SLC39A11: variants seen among roughly 807,000 people sequenced by gnomAD.
SLC39A11 encodes the protein solute carrier family 39 member 11.
In SLC39A11, 33 loss-of-function variants were observed where a neutral mutation model predicts 36.1. That is an observed-to-expected ratio of 0.91 (90% confidence interval 0.69 to 1.22). The LOEUF is 1.22. SLC39A11 is among the 50% of genes most tolerant of loss of function. SLC39A11 has a pLI of 0.00. For synonymous variants in SLC39A11, 166 were observed against 170.3 expected, an observed-to-expected ratio of 0.97 and a Z score of 0.20; for missense variants, 432 against 430.3, an observed-to-expected ratio of 1.00 and a Z score of -0.03.
chr17:72,739,196 C>T (rs545660147), intron 6 of SLC39A11, among the ~76,000 whole-genome samples: 7 of 151,298 alleles, frequency 4.6e-5, no homozygotes, highest in South Asian at 4.2e-4. Flanking sequence ...GGTGCGATCT[C>T]GGCTCACTGC....
chr17:72,949,454 C>T (rs1304105907), intron 4 of SLC39A11, among the ~76,000 whole-genome samples: 6 of 151,934 alleles, frequency 3.9e-5, no homozygotes. Flanking sequence ...GGCCACTGCA[C>T]CCGGCCAGCT....
intron 5 of SLC39A11, among the ~76,000 whole-genome samples, chr17:72,862,063 G>T (rs1302986322): frequency 1.3e-5 from 2 of 152,040 alleles, no homozygotes; most frequent in African/African-American, 4.8e-5. Flanking sequence ...GCAGCTCCTA[G>T]CAAGGGAAAT....
At chr17:73,034,123 G>A (rs1278324074) in intron 3 of SLC39A11, among the ~76,000 whole-genome samples, 1 of 152,170 alleles carries the variant, frequency 6.6e-6, no homozygotes, top group Non-Finnish European at 1.5e-5. Context: ...TCCAGACTTT[G>A]TCTTACTAGC....
At chr17:72,996,500 C>T (rs2089510634) in intron 4 of SLC39A11, among the ~76,000 whole-genome samples, 2 of 152,134 alleles carry the variant, frequency 1.3e-5, no homozygotes, top group Non-Finnish European at 2.9e-5. Context: ...AGGAAGAATC[C>T]TTCTTGCATC....
chr17:72,752,563 TTTTA>T (rs1166536942), intron 6 of SLC39A11, among the ~76,000 whole-genome samples: 4 of 152,018 alleles, frequency 2.6e-5, no homozygotes, highest in African/African-American at 4.8e-5. Context: ...TCTTTTTTCT[TTTTA>T]TTTATTTTTA....
chr17:73,026,437 C>G (rs1043848348), intron 4 of SLC39A11, among the ~76,000 whole-genome samples: 1 of 150,836 alleles, frequency 6.6e-6, no homozygotes, highest in Non-Finnish European at 1.5e-5. Context: ...ATCGCCTGAA[C>G]CCGGGAGGGA....
At chr17:73,021,266 G>C (rs1448900533) in intron 4 of SLC39A11, among the ~76,000 whole-genome samples, 2 of 152,092 alleles carry the variant, frequency 1.3e-5, no homozygotes, top group African/African-American at 4.8e-5. Flanking sequence ...AGACAGACAC[G>C]GTCCCAGTCA....
At chr17:72,977,122 G>A (rs2087911183) in intron 4 of SLC39A11, among the ~76,000 whole-genome samples, 1 of 152,200 alleles carries the variant, frequency 6.6e-6, no homozygotes. Context: ...TGTGTCCAGT[G>A]AAGGCAGAAA....
chr17:73,085,222 C>G (rs2144828132), intron 2 of SLC39A11, among the ~76,000 whole-genome samples: 1 of 152,212 alleles, frequency 6.6e-6, no homozygotes, highest in Non-Finnish European at 1.5e-5. Context: ...AAAACCCTCA[C>G]ACAGGCCGGG....
At chr17:72,667,247 G>A (rs2070795348) in intron 7 of SLC39A11, among the ~76,000 whole-genome samples, 1 of 152,118 alleles carries the variant, frequency 6.6e-6, no homozygotes, top group Non-Finnish European at 1.5e-5. Context: ...CTCAAACAGC[G>A]GCATCTCCGT....
intron 7 of SLC39A11, among the ~76,000 whole-genome samples, chr17:72,699,201 C>T (rs887891610): frequency 6.6e-6 from 1 of 152,070 alleles, no homozygotes; most frequent in Non-Finnish European, 1.5e-5. Flanking sequence ...CTTCCCTGGG[C>T]CACACTGGAA....
chr17:72,876,267 G>A (rs759013859), intron 5 of SLC39A11, among the ~76,000 whole-genome samples: 9 of 152,162 alleles, frequency 5.9e-5, no homozygotes, highest in Non-Finnish European at 1.2e-4. Flanking sequence ...AAGAGCTATT[G>A]TAGAATACTT....
In SLC39A11 at chr17:72,994,155, T is replaced by C. The variant is rs75392231; in HGVS notation, c.306+37401A>G. On this transcript the variant is annotated intron_variant, in intron 4 of 9. Transcript: ENST00000255559. ...AGTATTTCATTTGCTTCATATACAG[T>C]AGCCAAAACCCACAAGCAATTCAAT... 9.8e-4 allele frequency among the ~76,000 whole-genome samples: 149 copies of C among 152,160 alleles called. 3 individuals carry two copies. Among genetic ancestry groups the C allele is most frequent in the African/African-American group, 3.4e-3 (143 of 41,496 alleles).
intron 5 of SLC39A11, among the ~76,000 whole-genome samples, chr17:72,880,815 G>A (rs1172509775): frequency 1.4e-5 from 2 of 145,116 alleles, no homozygotes; most frequent in Admixed American, 6.8e-5. Context: ...CTGAGTAGCT[G>A]GGACTACAGG....
chr17:72,735,215 T>C (rs553518094), intron 7 of SLC39A11, among the ~76,000 whole-genome samples: 111 of 152,300 alleles, frequency 7.3e-4, no homozygotes, highest in African/African-American at 2.5e-3. Flanking sequence ...CGGGGCTTCA[T>C]GGAGCAGGCA....
intron 5 of SLC39A11, among the ~76,000 whole-genome samples, chr17:72,859,549 G>C (rs1231891218): frequency 6.6e-6 from 1 of 151,888 alleles, no homozygotes; most frequent in East Asian, 2.0e-4. Context: ...AGGACTTCCT[G>C]CTCCACAGAC....
At chr17:72,670,153 T>C (rs1055104343) in intron 7 of SLC39A11, among the ~76,000 whole-genome samples, 24 of 109,278 alleles carry the variant, frequency 2.2e-4, no homozygotes, top group Non-Finnish European at 4.1e-4. Flanking sequence ...CACACACACA[T>C]TTTATATACA....
intron 7 of SLC39A11, among the ~76,000 whole-genome samples, chr17:72,659,962 C>G (rs1460137214): frequency 1.3e-5 from 2 of 152,066 alleles, no homozygotes; most frequent in African/African-American, 4.8e-5. Context: ...GTGTTAAACA[C>G]CCCAGCCATA....
intron 3 of SLC39A11, among the ~76,000 whole-genome samples, chr17:73,065,043 T>G: frequency 6.6e-6 from 1 of 151,136 alleles, no homozygotes; most frequent in African/African-American, 2.4e-5. Context: ...TGAGACAGAG[T>G]CTCCCCAGCA....
Sources: gnomAD v4.1 joint callset for allele counts (sites outside exome capture counted in the v4.1 genomes callset) on GRCh38, gnomAD v4.1.1 for gene constraint, MANE v1.5 for transcripts, NCBI Gene and HGNC (gene_info 2026-07-23, HGNC 2026-07-21) for gene names.